VPS13A: variants seen among roughly 807,000 people sequenced by gnomAD.
The protein encoded by VPS13A is vacuolar protein sorting 13 homolog A.
Under a neutral mutation model 390.9 loss-of-function variants are expected in VPS13A, and 264 were observed. The observed-to-expected ratio is 0.68, with a 90% CI of 0.61 to 0.75. The LOEUF (loss-of-function observed/expected upper bound fraction) is 0.75, where lower values mean the gene tolerates loss of function less well. Among genes scored for constraint, VPS13A ranks in the 30% least tolerant of loss-of-function variants. The pLI is 0.00. For missense variants in VPS13A, 3,409 were observed against 3,733.9 expected (o/e 0.91, Z 2.27); for synonymous variants, 1,231 against 1,227.1 (o/e 1.00, Z -0.07).
intron 31 of VPS13A, among the ~76,000 whole-genome samples, chr9:77,289,862 C>A (rs373858988): frequency 6.0e-4 from 91 of 151,288 alleles, no homozygotes; most frequent in African/African-American, 2.0e-3. Context: ...CTCACTGCAA[C>A]CTCTGCCTCC....
intron 67 of VPS13A, among the ~76,000 whole-genome samples, chr9:77,380,969 G>A (rs1042271679): frequency 1.3e-5 from 2 of 152,172 alleles, no homozygotes; most frequent in African/African-American, 2.4e-5. Context: ...TTCCTAACAG[G>A]CTATGGACCG....
chr9:77,211,781 T>C (rs755001913), intron 7 of VPS13A, among the ~76,000 whole-genome samples: 1 of 152,206 alleles, frequency 6.6e-6, no homozygotes, highest in Non-Finnish European at 1.5e-5. Flanking sequence ...AGCCTAGACC[T>C]GTTCAGTTAG....
In VPS13A at chr9:77,231,054, A is replaced by G. The variant is rs187186098; in HGVS notation, c.1595+2790A>G. ...TTTGGATTATTATGTGTATAGAAAT[A>G]CAATTGAGTTTTGTATACTGCACTT... On this transcript the variant is annotated intron_variant, in intron 17 of 71. Coordinates refer to ENST00000360280, the MANE Select transcript of VPS13A (RefSeq NM_033305.3). 2.6e-5 allele frequency among the ~76,000 whole-genome samples: 4 copies of G among 152,318 alleles called. No homozygotes were observed. The East Asian group carries it at 5.8e-4, about 22-fold the overall frequency.
intron 31 of VPS13A, among the ~76,000 whole-genome samples, chr9:77,289,278 C>G (rs1348610314): frequency 6.6e-6 from 1 of 152,066 alleles, no homozygotes. Flanking sequence ...TCTTTTTTAT[C>G]TAATCTGACA....
chr9:77,377,217 T>G (rs201105474), intron 67 of VPS13A, among the ~76,000 whole-genome samples: 74 of 96,622 alleles, frequency 7.7e-4, no homozygotes, highest in East Asian at 1.6e-3. Flanking sequence ...TTTTTTTTTT[T>G]TTTTTTTTTT....
intron 67 of VPS13A, among the ~76,000 whole-genome samples, chr9:77,375,586 C>T (rs1377533034): frequency 6.6e-6 from 1 of 152,142 alleles, no homozygotes; most frequent in Non-Finnish European, 1.5e-5. Flanking sequence ...TTTCAAACTT[C>T]TACTCAGTTC....
intron 71 of VPS13A, among the ~76,000 whole-genome samples, chr9:77,408,134 G>T (rs887957937): frequency 6.6e-6 from 1 of 152,198 alleles, no homozygotes; most frequent in Non-Finnish European, 1.5e-5. Context: ...GATGAGAATG[G>T]TGTGAACTGA....
Position 77,405,988 on chromosome 9 carries a change from G to T in VPS13A, c.9399+1G>T. On this transcript the variant is annotated splice_donor_variant, in intron 70 of 71. Transcript: ENST00000360280. LOFTEE classifies it high-confidence loss of function. ...GAGAAGATTGCGCATTGAAGCAAAGGTATGTTGAATAGATTTATTTTTTGA... is the reference window on the plus strand; with the variant it reads ...GAGAAGATTGCGCATTGAAGCAAAGTTATGTTGAATAGATTTATTTTTTGA... 6.2e-7 allele frequency: 1 copy of T among 1,613,438 alleles called. No homozygotes were observed. The highest frequency in any genetic ancestry group is 8.5e-7 in the Non-Finnish European group (1 of 1,179,908).
At chr9:77,236,473 A>G (rs1029950989) in intron 17 of VPS13A, among the ~76,000 whole-genome samples, 5 of 152,168 alleles carry the variant, frequency 3.3e-5, no homozygotes, top group Admixed American at 2.0e-4. Flanking sequence ...CTCCATGGTT[A>G]GTTGTTGTTG....
chr9:77,406,043 G>A (rs1834588938), intron 70 of VPS13A, 56 bp downstream of exon 70: 1 of 1,600,408 alleles, frequency 6.2e-7, no homozygotes, highest in Non-Finnish European at 8.5e-7. Flanking sequence ...ATGCTTTGAA[G>A]TAGTCCTTTT....
intron 68 of VPS13A, among the ~76,000 whole-genome samples, chr9:77,401,329 T>TTTGTG (rs1491255249): frequency 7.1e-6 from 1 of 140,432 alleles, no homozygotes; most frequent in Non-Finnish European, 1.5e-5. Flanking sequence ...TCACATGAAG[T>TTTGTG]TGTGTGTGTG....
At chr9:77,214,555 A>T (rs996052970) in intron 10 of VPS13A, among the ~76,000 whole-genome samples, 169 bp downstream of exon 10, 10 of 152,246 alleles carry the variant, frequency 6.6e-5, no homozygotes, top group African/African-American at 1.9e-4. Context: ...TTAGTAACGT[A>T]TTTTATTGTT....
In VPS13A at chr9:77,337,412, A is replaced by G. The variant is rs1303401683; in HGVS notation, c.6253A>G (p.Lys2085Glu). ...ESFLINIVPE[K>E]DNLTSLSVYS... ...ATTTCTCATTAATATTGTTCCAGAAAAAGATAATTTAACATCTCTATCAGT... is the reference window on the plus strand; with the variant it reads ...ATTTCTCATTAATATTGTTCCAGAAGAAGATAATTTAACATCTCTATCAGT... Residue 2085 changes from lysine (K) to glutamate (E), a missense_variant, in exon 47 of 72, where the codon AAA becomes GAA. Transcript: ENST00000360280. 1.2e-6 allele frequency: 2 copies of G among 1,613,206 alleles called. No individual in the cohort carries two copies. Among genetic ancestry groups the G allele is most frequent in the South Asian group, 1.1e-5 (1 of 91,058 alleles).
chr9:77,182,560 A>G (rs1006894144), intron 1 of VPS13A, among the ~76,000 whole-genome samples: 1 of 152,200 alleles, frequency 6.6e-6, no homozygotes, highest in African/African-American at 2.4e-5. Flanking sequence ...AGTTGGGTAC[A>G]TTTTAAGAGA....
At chr9:77,390,655 C>G (rs1285970435) in intron 68 of VPS13A, among the ~76,000 whole-genome samples, 1 of 109,576 alleles carries the variant, frequency 9.1e-6, no homozygotes, top group Non-Finnish European at 1.7e-5. Context: ...CCACCCCGTC[C>G]CTCTCTTTTT....
intron 68 of VPS13A, among the ~76,000 whole-genome samples, chr9:77,386,193 C>T (rs1430248428): frequency 2.0e-5 from 3 of 152,188 alleles, no homozygotes; most frequent in African/African-American, 7.2e-5. Context: ...ATTTGTTGTG[C>T]ACCCACTCCT....
intron 71 of VPS13A, among the ~76,000 whole-genome samples, chr9:77,413,020 T>C (rs1835009576): frequency 6.6e-6 from 1 of 152,082 alleles, no homozygotes; most frequent in Admixed American, 6.5e-5. Context: ...ACAAAATACA[T>C]AGGAATCCAA....
intron 45 of VPS13A, among the ~76,000 whole-genome samples, chr9:77,331,525 A>G (rs1045222354): frequency 6.6e-6 from 1 of 151,958 alleles, no homozygotes; most frequent in Admixed American, 6.6e-5. Flanking sequence ...TCATGTTTAC[A>G]TTCTGTTCCT....
rs1564624707 is a variant in VPS13A at position 77,199,940 on chromosome 9, T to C, written c.101-5T>C. On this transcript the variant is annotated splice_polypyrimidine_tract_variant and splice_region_variant and intron_variant, in intron 1 of 71. Transcript: ENST00000360280. ...TGTTTGAATCTTTTTTTTAATCTTTTTTAGGAGCTGTGGCCCTCAAGAATC... is the reference window on the plus strand; with the variant it reads ...TGTTTGAATCTTTTTTTTAATCTTTCTTAGGAGCTGTGGCCCTCAAGAATC... The C allele has an allele frequency of 6.2e-7, 1 of 1,600,602 alleles. No homozygotes were observed. The highest frequency in any genetic ancestry group is 1.8e-4 in the Middle Eastern group (1 of 5,654).
Sources: allele counts gnomAD v4.1 joint callset (sites outside exome capture counted in the v4.1 genomes callset), GRCh38; gene constraint gnomAD v4.1.1; transcripts MANE v1.5; gene names NCBI Gene and HGNC (gene_info 2026-07-23, HGNC 2026-07-21).